Variants in RSF1 observed in about 807,000 individuals in gnomAD.
RSF1 encodes the protein remodeling and spacing factor 1, also known as HBV pX-associated protein 8.
In RSF1, 13 loss-of-function variants were observed where a neutral mutation model predicts 145.2. The observed-to-expected ratio is 0.09, with a 90% CI of 0.06 to 0.14. The LOEUF is 0.14. Among genes scored for constraint, RSF1 ranks in the 10% least tolerant of loss-of-function variants. The pLI, the probability that RSF1 is intolerant of heterozygous loss-of-function variation, is 1.00. For missense variants in RSF1, 1,517 were observed against 1,718.2 expected (o/e 0.88, Z 2.07); for synonymous variants, 577 against 592.6 (o/e 0.97, Z 0.38).
the RSF1 span, among the ~76,000 whole-genome samples, chr11:77,862,302 G>C: frequency 2.4e-4 from 37 of 152,298 alleles, no homozygotes; most frequent in South Asian, 6.2e-3. Context: ...CTCATTTGGC[G>C]TTAGTGTCTG....
chr11:77,840,907 A>G, the RSF1 span: 8 of 357,260 alleles, frequency 2.2e-5, no homozygotes, highest in Middle Eastern at 7.8e-4. Context: ...CCATTTGCCT[A>G]TACTAAATGT....
intron 4 of RSF1, among the ~76,000 whole-genome samples, chr11:77,730,613 C>T (rs191802917): frequency 6.6e-6 from 1 of 152,278 alleles, no homozygotes; most frequent in African/African-American, 2.4e-5. Flanking sequence ...GCTGTGTCTC[C>T]ACCCAAATCT....
chr11:77,869,991 C>T, the RSF1 span: 2 of 533,124 alleles, frequency 3.8e-6, no homozygotes, highest in Non-Finnish European at 6.8e-6. Flanking sequence ...TTGGGCTCTC[C>T]AGTCTACCTA....
At chr11:77,766,728 T>A (rs1438290618) in intron 1 of RSF1, among the ~76,000 whole-genome samples, 1 of 152,216 alleles carries the variant, frequency 6.6e-6, no homozygotes, top group Non-Finnish European at 1.5e-5. Context: ...GAAGTTTAGA[T>A]TTTATGTAAA....
At chr11:77,809,386 A>G (rs1378333512) in intron 1 of RSF1, among the ~76,000 whole-genome samples, 2 of 152,180 alleles carry the variant, frequency 1.3e-5, no homozygotes, top group Non-Finnish European at 2.9e-5. Context: ...TTTGTAATCT[A>G]TTTTTCTACG....
chr11:77,766,868 G>A (rs1056215656), intron 1 of RSF1, among the ~76,000 whole-genome samples: 2 of 152,138 alleles, frequency 1.3e-5, no homozygotes, highest in East Asian at 1.9e-4. Flanking sequence ...GTGCAGGGCC[G>A]AAGCTAGATA....
Position 77,666,351 on chromosome 11 carries a change from A to G in RSF1, c.*566T>C, listed in dbSNP as rs1959362478. ...TAAGTGTGGTTATCTCCAATAGTAA[A>G]CAAGTTCATTTCACAAAGGCTGTTA... On this transcript the variant is annotated 3_prime_UTR_variant, in exon 16 of 16. Coordinates refer to ENST00000308488, the MANE Select transcript of RSF1 (RefSeq NM_016578.4). The G allele has an allele frequency of 6.6e-6, 1 of 152,588 alleles. No homozygotes were observed. The highest frequency in any genetic ancestry group is 6.6e-5 in the Admixed American group (1 of 15,258). The allele number at this position is 152,588 out of a possible 1,614,324, so 9.5% of individuals were successfully genotyped here. A position where few individuals can be genotyped will look rare whatever the true frequency, so the allele number is the denominator to read the frequency against.
rs1187957756 is a variant in RSF1 at position 77,663,855 on chromosome 11, C to A, written c.*3062G>T. 6.6e-6 allele frequency: 1 copy of A among 152,140 alleles called. No individual in the cohort carries two copies. The highest frequency in any genetic ancestry group is 2.4e-5 in the African/African-American group (1 of 41,426). 9.4% of individuals were successfully genotyped at this position (152,140 alleles called of 1,614,324 possible). On this transcript the variant is annotated 3_prime_UTR_variant, in exon 16 of 16. Transcript: ENST00000308488. ...AAATATACTGAATATTAATCTACAT[C>A]TCCCTTTAATACATTAGCTACAGTC...
At chr11:77,720,144 A>G (rs1960910038) in intron 5 of RSF1, among the ~76,000 whole-genome samples, 1 of 152,232 alleles carries the variant, frequency 6.6e-6, no homozygotes, top group Non-Finnish European at 1.5e-5. Flanking sequence ...CACTGTAGAA[A>G]CCAAAATAAA....
At chr11:77,818,608 G>A (rs1470801100) in intron 1 of RSF1, among the ~76,000 whole-genome samples, 3 of 151,910 alleles carry the variant, frequency 2.0e-5, no homozygotes, top group Admixed American at 1.3e-4. Flanking sequence ...GTGAAACCCC[G>A]TCTCTACTAA....
chr11:77,741,911 T>A (rs1013073868), intron 3 of RSF1, among the ~76,000 whole-genome samples: 5 of 152,240 alleles, frequency 3.3e-5, no homozygotes, highest in African/African-American at 9.6e-5. Context: ...CTGACTCTTT[T>A]AGATTCCACA....
At chr11:77,706,509 T>C (rs1297912162) in intron 5 of RSF1, among the ~76,000 whole-genome samples, 1 of 152,136 alleles carries the variant, frequency 6.6e-6, no homozygotes, top group African/African-American at 2.4e-5. Flanking sequence ...GGAGCTATTA[T>C]TAATTATTTG....
chr11:77,858,252 T>A, the RSF1 span, among the ~76,000 whole-genome samples: 1 of 149,126 alleles, frequency 6.7e-6, no homozygotes, highest in African/African-American at 2.5e-5. Flanking sequence ...TGGAGTGCAG[T>A]TGTGCAATCT....
At position 77,744,406 on chromosome 11, in the gene RSF1, C is replaced by T. The variant is rs369655266; in HGVS notation, c.372+2630G>A. Among the ~76,000 whole-genome samples, 19 of 152,288 alleles carry T rather than the reference C, an allele frequency of 1.2e-4. No individual in the cohort carries two copies. In the East Asian group the frequency reaches 2.9e-3, roughly 23 times the overall value. On this transcript the variant is annotated intron_variant, in intron 3 of 15. Coordinates refer to ENST00000308488, the MANE Select transcript of RSF1 (RefSeq NM_016578.4). ...GTGGCACGATCACAGCTCAAGCAAT[C>T]CTCTGCCTCAATCTCCCCAGCAGCT...
At chr11:77,714,132 T>C (rs1471180988) in intron 5 of RSF1, among the ~76,000 whole-genome samples, 3 of 152,240 alleles carry the variant, frequency 2.0e-5, no homozygotes, top group Non-Finnish European at 4.4e-5. Context: ...GAACCTTCTT[T>C]TTGTTTGTCC....
chr11:77,699,064 C>T (rs1034321495), intron 6 of RSF1, among the ~76,000 whole-genome samples: 11 of 152,092 alleles, frequency 7.2e-5, no homozygotes, highest in African/African-American at 2.4e-4. Flanking sequence ...TGTACTGTAT[C>T]TTTACAAATA....
At chr11:77,770,478 A>G (rs1481482923) in intron 1 of RSF1, among the ~76,000 whole-genome samples, 1 of 152,156 alleles carries the variant, frequency 6.6e-6, no homozygotes, top group African/African-American at 2.4e-5. Flanking sequence ...AAACAAAACA[A>G]AAGTATAGCA....
intron 1 of RSF1, among the ~76,000 whole-genome samples, chr11:77,805,332 G>A (rs1320835990): frequency 6.6e-6 from 1 of 151,904 alleles, no homozygotes; most frequent in African/African-American, 2.4e-5. Context: ...GCCAGGCGTG[G>A]TGGCATGCTG....
At chr11:77,677,028 G>C in intron 12 of RSF1, 29 bp from the exon 13 acceptor site, 1 of 1,547,476 alleles carries the variant, frequency 6.5e-7, no homozygotes, top group Admixed American at 1.7e-5. Flanking sequence ...AGTTCGGGGA[G>C]AGAAAAATAT....
Sources: gnomAD v4.1 joint callset for allele counts (sites outside exome capture counted in the v4.1 genomes callset) on GRCh38, gnomAD v4.1.1 for gene constraint, MANE v1.5 for transcripts, NCBI Gene and HGNC (gene_info 2026-07-23, HGNC 2026-07-21) for gene names.